The following LRRC40 variants were observed in gnomAD, a reference collection of about 807,000 sequenced individuals.
LRRC40 encodes the protein leucine-rich repeat-containing protein 40.
A neutral mutation model predicts 72.8 loss-of-function variants in LRRC40; 76 were observed. The ratio of observed to expected loss-of-function variants is 1.04; its 90% CI spans 0.87 to 1.26. LRRC40 has a LOEUF of 1.26. Among genes scored for constraint, LRRC40 ranks in the 50% most tolerant of loss-of-function variants. The pLI is 0.00. For synonymous variants in LRRC40, 243 were observed against 254.2 expected, an observed-to-expected ratio of 0.96 and a Z score of 0.42; for missense variants, 684 against 698.9, an observed-to-expected ratio of 0.98 and a Z score of 0.24.
intron 1 of LRRC40, among the ~76,000 whole-genome samples, chr1:70,201,218 G>A (rs1668730819): frequency 6.6e-6 from 1 of 151,958 alleles, no homozygotes. Flanking sequence ...CATAATTTGA[G>A]GTACTAATAT....
At chr1:70,166,067 C>A (rs1435079917) in intron 9 of LRRC40, among the ~76,000 whole-genome samples, 1 of 152,198 alleles carries the variant, frequency 6.6e-6, no homozygotes, top group Non-Finnish European at 1.5e-5. Flanking sequence ...ATTATGCACA[C>A]ACATAATTGT....
chr1:70,160,622 T>C (rs1387772306), intron 9 of LRRC40, among the ~76,000 whole-genome samples: 1 of 152,086 alleles, frequency 6.6e-6, no homozygotes. Context: ...CAGCATTGTT[T>C]TTAAAATATC....
intron 9 of LRRC40, among the ~76,000 whole-genome samples, chr1:70,161,517 C>A (rs575630281): frequency 1.0e-3 from 156 of 150,388 alleles, no homozygotes; most frequent in African/African-American, 3.7e-3. Context: ...CCACTGCACT[C>A]CAGCCTGGGC....
At chr1:70,180,104 G>GT (rs963385827) in intron 5 of LRRC40, 4 of 151,934 alleles carry the variant, frequency 2.6e-5, no homozygotes, top group African/African-American at 7.3e-5. Flanking sequence ...CAAAATAACA[G>GT]TTTTTTTATT....
In LRRC40 at chr1:70,151,116, C is replaced by A; in HGVS notation, c.1517+12G>T. Reference sequence around the variant, plus strand: ...TCCACAGAATAACAATTAGAATTGTCTGTTCTCTTACCTATTAAAGGAAAG... The same window carrying A: ...TCCACAGAATAACAATTAGAATTGTATGTTCTCTTACCTATTAAAGGAAAG... On this transcript the variant is annotated intron_variant, in intron 13 of 14. Coordinates refer to ENST00000370952, the MANE Select transcript of LRRC40 (RefSeq NM_017768.5). The A allele has an allele frequency of 7.0e-7, 1 of 1,423,530 alleles. No individual in the cohort carries two copies. Among genetic ancestry groups the A allele is most frequent in the South Asian group, 1.2e-5 (1 of 84,058 alleles). 88.2% of individuals were successfully genotyped at this position (1,423,530 alleles called of 1,614,324 possible).
At chr1:70,178,795 A>AT in intron 6 of LRRC40, 56 bp downstream of exon 6, 1 of 1,166,104 alleles carries the variant, frequency 8.6e-7, no homozygotes, top group Non-Finnish European at 1.2e-6. Context: ...TTAAAAATGC[A>AT]TTTTAATAAT....
chr1:70,161,150 C>T (rs1209938142), intron 9 of LRRC40, among the ~76,000 whole-genome samples: 15 of 149,950 alleles, frequency 1.0e-4, no homozygotes, highest in Admixed American at 4.6e-4. Flanking sequence ...TGCAGTGGCG[C>T]GATCTCGCAC....
intron 4 of LRRC40, among the ~76,000 whole-genome samples, chr1:70,183,725 G>C (rs1368863904): frequency 2.6e-5 from 4 of 151,798 alleles, no homozygotes; most frequent in Admixed American, 2.0e-4. Context: ...GATAATTTTT[G>C]TATTCTTTGT....
chr1:70,167,241 A>AAG lies in LRRC40; in HGVS notation c.1111+6223_1111+6224insCT, dbSNP rs1043115297. Among the ~76,000 whole-genome samples the AAG allele has an allele frequency of 8.6e-5, 13 of 151,660 alleles. No homozygotes were observed. In the South Asian group the frequency reaches 1.2e-3, roughly 15 times the overall value. ...TGGTTAAAAAGTGTTAAAAAAAAAA[A>AAG]AAAAAAGAAAAAAGAAAAAGGTCAA... On this transcript the variant is annotated intron_variant, in intron 9 of 14. Transcript: ENST00000370952.
chr1:70,185,707 T>C (rs927685290), intron 3 of LRRC40, among the ~76,000 whole-genome samples: 3 of 152,202 alleles, frequency 2.0e-5, no homozygotes, highest in African/African-American at 7.2e-5. Context: ...AATAGCTATT[T>C]CTGTTTGAGG....
Position 70,205,382 on chromosome 1 carries a change from G to C in LRRC40, c.151+8C>G. ...GAGACACAATAGGGTCGTACCTCTG[G>C]GTCTTACCTTCACTGAGGTTTCTAC... is the stretch of plus-strand genomic sequence containing the variant. On this transcript the variant is annotated splice_region_variant and intron_variant, in intron 1 of 14. Transcript: ENST00000370952. The C allele has an allele frequency of 1.3e-6, 2 of 1,575,372 alleles. No individual in the cohort carries two copies. Among genetic ancestry groups the C allele is most frequent in the Non-Finnish European group, 1.7e-6 (2 of 1,150,862 alleles).
At chr1:70,189,950 C>T (rs1479206142) in intron 1 of LRRC40, among the ~76,000 whole-genome samples, 1 of 152,214 alleles carries the variant, frequency 6.6e-6, no homozygotes, top group East Asian at 1.9e-4. Flanking sequence ...TTGGTAGCTA[C>T]TCTTTATTTT....
At chr1:70,146,791 C>T (rs1035791459) in intron 14 of LRRC40, among the ~76,000 whole-genome samples, 4 of 152,148 alleles carry the variant, frequency 2.6e-5, no homozygotes, top group Non-Finnish European at 5.9e-5. Flanking sequence ...AGCAGATACA[C>T]ATATATAAAT....
At chr1:70,176,008 G>C in intron 6 of LRRC40, 26 bp from the exon 7 acceptor site, 2 of 1,400,424 alleles carry the variant, frequency 1.4e-6, no homozygotes, top group Non-Finnish European at 9.5e-7. Flanking sequence ...TGAGTTATGT[G>C]TATCTCTGTA....
At chr1:70,164,083 T>C (rs1667825193) in intron 9 of LRRC40, among the ~76,000 whole-genome samples, 1 of 152,124 alleles carries the variant, frequency 6.6e-6, no homozygotes, top group African/African-American at 2.4e-5. Flanking sequence ...TCAAACCCTT[T>C]TTTTATAAGA....
chr1:70,188,360 A>G (rs973256836), intron 2 of LRRC40, among the ~76,000 whole-genome samples: 2 of 152,112 alleles, frequency 1.3e-5, no homozygotes, highest in African/African-American at 4.8e-5. Flanking sequence ...ATTAAGTTCA[A>G]TAATTTAACT....
At chr1:70,186,365 A>T (rs1424137468) in intron 3 of LRRC40, among the ~76,000 whole-genome samples, 1 of 152,098 alleles carries the variant, frequency 6.6e-6, no homozygotes, top group African/African-American at 2.4e-5. Flanking sequence ...TATGCCTTTG[A>T]CTTGTAAGGG....
At chr1:70,203,399 T>A (rs1159382642) in intron 1 of LRRC40, among the ~76,000 whole-genome samples, 1 of 152,172 alleles carries the variant, frequency 6.6e-6, no homozygotes, top group Non-Finnish European at 1.5e-5. Flanking sequence ...AGGGTAGTTG[T>A]TGTTGTTGTT....
intron 2 of LRRC40, among the ~76,000 whole-genome samples, 198 bp from the exon 3 acceptor site, chr1:70,187,536 G>A (rs972306817): frequency 6.6e-6 from 1 of 151,878 alleles, no homozygotes; most frequent in African/African-American, 2.4e-5. Context: ...CAGAAATCAT[G>A]AAGTAAGGCC....
Sources: gnomAD v4.1 joint callset for allele counts (sites outside exome capture counted in the v4.1 genomes callset) on GRCh38, gnomAD v4.1.1 for gene constraint, MANE v1.5 for transcripts, NCBI Gene and HGNC (gene_info 2026-07-23, HGNC 2026-07-21) for gene names.